Variants in CMIP observed in about 807,000 individuals in gnomAD.
CMIP encodes the protein C-Maf-inducing protein.
A neutral mutation model predicts 97.3 loss-of-function variants in CMIP; 13 were observed. The ratio of observed to expected loss-of-function variants is 0.13; its 90% CI spans 0.09 to 0.21. The LOEUF is 0.21. Ranked by LOEUF, CMIP falls within the 10% of genes least tolerant of loss-of-function variation. CMIP has a pLI of 1.00. For missense variants in CMIP, 847 were observed against 1,024.9 expected, an observed-to-expected ratio of 0.83 and a Z score of 2.37; for synonymous variants, 538 against 436.3, an observed-to-expected ratio of 1.23 and a Z score of -2.91.
chr16:81,457,342 A>G (rs753667999), intron 1 of CMIP, among the ~76,000 whole-genome samples: 2 of 152,090 alleles, frequency 1.3e-5, no homozygotes, highest in African/African-American at 2.4e-5. Context: ...AACTGAAGCC[A>G]TCATACAGGG....
intron 1 of CMIP, among the ~76,000 whole-genome samples, chr16:81,567,320 G>A (rs772526189): frequency 6.6e-5 from 10 of 152,262 alleles, no homozygotes; most frequent in African/African-American, 1.4e-4. Context: ...GTGAGACACC[G>A]CTGCTACAGG....
At chr16:81,690,563 G>A (rs1296562931) in intron 10 of CMIP, among the ~76,000 whole-genome samples, 1 of 152,112 alleles carries the variant, frequency 6.6e-6, no homozygotes, top group South Asian at 2.1e-4. Flanking sequence ...GAGTGCAGTG[G>A]GGTGATCTCA....
At chr16:81,504,687 C>T (rs1194324655) in intron 1 of CMIP, among the ~76,000 whole-genome samples, 2 of 146,866 alleles carry the variant, frequency 1.4e-5, no homozygotes, top group African/African-American at 5.1e-5. Context: ...GAAAAAATGG[C>T]CGGTGGGCCT....
chr16:81,626,786 A>T (rs866460615), intron 3 of CMIP, among the ~76,000 whole-genome samples: 69 of 102,588 alleles, frequency 6.7e-4, no homozygotes, highest in South Asian at 1.2e-3. Flanking sequence ...AGAGAGAGAG[A>T]GAGTGTGTGT....
intron 1 of CMIP, among the ~76,000 whole-genome samples, chr16:81,467,725 C>T (rs556991380): frequency 6.6e-6 from 1 of 151,636 alleles, no homozygotes; most frequent in South Asian, 2.1e-4. Context: ...GGATTACAGG[C>T]ATGTGCCACC....
At chr16:81,571,587 C>CA (rs397854647) in intron 1 of CMIP, among the ~76,000 whole-genome samples, 4,226 of 85,756 alleles carry the variant, frequency 0.049, 65 homozygotes, top group Middle Eastern at 0.068. Flanking sequence ...TCATCTCTAC[C>CA]AAAAAAAAAA....
At chr16:81,582,958 G>C (rs2091321027) in intron 1 of CMIP, among the ~76,000 whole-genome samples, 1 of 152,264 alleles carries the variant, frequency 6.6e-6, no homozygotes, top group East Asian at 1.9e-4. Flanking sequence ...GGCAGTGTGG[G>C]GTAGCAGATG....
intron 7 of CMIP, among the ~76,000 whole-genome samples, chr16:81,667,791 AGAGAGAGAGT>A (rs1485357246): frequency 4.7e-4 from 48 of 102,868 alleles, no homozygotes; most frequent in African/African-American, 1.2e-3. Context: ...AGAGAGAGAG[AGAGAGAGAGT>A]GTGTGTGTGT....
At chr16:81,678,723 C>T (rs1020096631) in intron 10 of CMIP, 95 bp downstream of exon 10, 3 of 631,188 alleles carry the variant, frequency 4.8e-6, no homozygotes, top group Non-Finnish European at 5.6e-6. Flanking sequence ...TCGAGCTACG[C>T]AGGGCCGGGC....
intron 1 of CMIP, among the ~76,000 whole-genome samples, chr16:81,470,715 C>A (rs907143845): frequency 1.3e-5 from 2 of 152,238 alleles, no homozygotes; most frequent in African/African-American, 4.8e-5. Flanking sequence ...ACCTTGGTCT[C>A]CCATACTGCT....
At chr16:81,542,415 C>T (rs1003959357) in intron 1 of CMIP, among the ~76,000 whole-genome samples, 7 of 152,082 alleles carry the variant, frequency 4.6e-5, no homozygotes, top group African/African-American at 1.4e-4. Flanking sequence ...TGTAGCATGG[C>T]GTAGGTTGGG....
At chr16:81,688,900 C>T (rs111716704) in intron 10 of CMIP, among the ~76,000 whole-genome samples, 11 of 152,308 alleles carry the variant, frequency 7.2e-5, no homozygotes, top group African/African-American at 2.4e-4. Flanking sequence ...TGAGTGAGAA[C>T]ATGCGGTGTT....
intron 15 of CMIP, among the ~76,000 whole-genome samples, chr16:81,700,127 C>T (rs888745862): frequency 6.6e-6 from 1 of 152,118 alleles, no homozygotes; most frequent in South Asian, 2.1e-4. Context: ...CATTGGGGTA[C>T]CTGGGCGCAG....
intron 1 of CMIP, among the ~76,000 whole-genome samples, chr16:81,470,206 C>G (rs1447584083): frequency 6.6e-6 from 1 of 152,244 alleles, no homozygotes; most frequent in Non-Finnish European, 1.5e-5. Context: ...GGCCCCTGGC[C>G]TCAGCTCTCT....
chr16:81,579,711 C>T (rs565716407), intron 1 of CMIP, among the ~76,000 whole-genome samples: 1 of 126,814 alleles, frequency 7.9e-6, no homozygotes, highest in African/African-American at 2.4e-5. Context: ...AAAAAGAGTT[C>T]TGCCACTTAA....
chr16:81,607,575 G>T lies in CMIP; in HGVS notation c.309G>T (p.Gly103=). The T allele has an allele frequency of 6.2e-7, 1 of 1,613,796 alleles. No individual in the cohort carries two copies. The highest frequency in any genetic ancestry group is 8.5e-7 in the Non-Finnish European group (1 of 1,179,882). The change falls in exon 2 of 21, where the codon GGG becomes GGT. Residue 103 remains glycine, a synonymous_variant. Coordinates refer to ENST00000537098, the MANE Select transcript of CMIP (RefSeq NM_198390.3). Reference sequence around the variant, plus strand: ...TTCTTTTTTTGCTGCAGCCAACTGGGTACATGGAAAACTCAGTCTCCTACA... The same window carrying T: ...TTCTTTTTTTGCTGCAGCCAACTGGTTACATGGAAAACTCAGTCTCCTACA... ...DNSLASATPT[G]YMENSVSYSA... is the part of the protein sequence containing the mutation.
intron 1 of CMIP, among the ~76,000 whole-genome samples, chr16:81,522,436 C>T (rs974741268): frequency 2.6e-5 from 4 of 152,232 alleles, no homozygotes; most frequent in African/African-American, 9.6e-5. Context: ...TGTCTTCTGG[C>T]ATAGCCATGG....
intron 10 of CMIP, among the ~76,000 whole-genome samples, chr16:81,684,880 C>T (rs12924158): frequency 0.79 from 120,833 of 152,158 alleles, 48,309 homozygotes; most frequent in East Asian, 0.92. Flanking sequence ...TGTCCTCCCA[C>T]CCCAGGCCAG....
chr16:81,491,576 A>G (rs1278920393), intron 1 of CMIP, among the ~76,000 whole-genome samples: 2 of 152,168 alleles, frequency 1.3e-5, no homozygotes, highest in East Asian at 1.9e-4. Context: ...TCTTCATACA[A>G]TTCACCCAAG....
Sources: gnomAD v4.1 joint callset for allele counts (sites outside exome capture counted in the v4.1 genomes callset) on GRCh38, gnomAD v4.1.1 for gene constraint, MANE v1.5 for transcripts, NCBI Gene and HGNC (gene_info 2026-07-23, HGNC 2026-07-21) for gene names.